The following MUSK variants were observed in gnomAD, a reference collection of about 807,000 sequenced individuals.
MUSK encodes muscle associated receptor tyrosine kinase.
MUSK carries 55 observed loss-of-function variants against 88.7 expected under a neutral mutation model. The ratio of observed to expected loss-of-function variants is 0.62; its 90% CI spans 0.50 to 0.78. MUSK has a LOEUF of 0.78. MUSK is among the 30% of genes least tolerant of loss of function. MUSK has a pLI of 0.00. For synonymous variants in MUSK, 387 were observed against 391.9 expected, an observed-to-expected ratio of 0.99 and a Z score of 0.15; for missense variants, 1,015 against 1,074.3, an observed-to-expected ratio of 0.94 and a Z score of 0.77.
intron 3 of MUSK, among the ~76,000 whole-genome samples, chr9:110,689,966 A>ATATTATATTATAATTATAT (rs2076294814): frequency 1.3e-5 from 1 of 75,798 alleles, no homozygotes; most frequent in Non-Finnish European, 2.3e-5. Context: ...ATATATATTT[A>ATATTATATTATAATTATAT]TATATTATAT....
At chr9:110,782,077 G>A (rs1186080564) in intron 11 of MUSK, among the ~76,000 whole-genome samples, 2 of 152,076 alleles carry the variant, frequency 1.3e-5, no homozygotes, top group Admixed American at 1.3e-4. Context: ...TTATTCACTT[G>A]TGTCTCATGA....
chr9:110,669,178 C>A (rs533290898), intron 1 of MUSK, among the ~76,000 whole-genome samples, 195 bp downstream of exon 1: 3 of 152,248 alleles, frequency 2.0e-5, no homozygotes, highest in African/African-American at 7.2e-5. Flanking sequence ...ATATTTTACT[C>A]CGAAGTTCTG....
At chr9:110,722,265 C>T (rs948843172) in intron 5 of MUSK, among the ~76,000 whole-genome samples, 6 of 152,130 alleles carry the variant, frequency 3.9e-5, no homozygotes, top group Admixed American at 1.3e-4. Flanking sequence ...TGCATTGGCT[C>T]ATGCCTGTAA....
chr9:110,785,446 T>C, intron 12 of MUSK, 81 bp from the exon 13 acceptor site: 1 of 1,196,308 alleles, frequency 8.4e-7, no homozygotes, highest in Non-Finnish European at 1.1e-6. Flanking sequence ...TTAAATGCCA[T>C]ATTTCTTAGA....
chr9:110,713,462 G>A (rs866427507), intron 5 of MUSK, among the ~76,000 whole-genome samples: 2 of 152,140 alleles, frequency 1.3e-5, no homozygotes, highest in Middle Eastern at 3.4e-3. Context: ...GCTTCACCAT[G>A]TTGGCCAGTC....
intron 8 of MUSK, among the ~76,000 whole-genome samples, chr9:110,764,081 A>G (rs1442483827): frequency 6.6e-6 from 1 of 152,230 alleles, no homozygotes; most frequent in Non-Finnish European, 1.5e-5. Flanking sequence ...GTAAGGAGGC[A>G]AGAGAGGGAC....
At chr9:110,755,920 C>CCATATATATATACATATATATATATATA (rs2077305009) in intron 7 of MUSK, among the ~76,000 whole-genome samples, 1 of 93,898 alleles carries the variant, frequency 1.1e-5, no homozygotes, top group African/African-American at 4.6e-5. Context: ...GTGCCCAGTG[C>CCATATATATATACATATATATATATATA]CATATATATA....
At chr9:110,758,485 A>T (rs1452046426) in intron 7 of MUSK, among the ~76,000 whole-genome samples, 1 of 152,214 alleles carries the variant, frequency 6.6e-6, no homozygotes, top group Non-Finnish European at 1.5e-5. Context: ...CAAAAGCTGG[A>T]AGTATTCCCC....
chr9:110,702,479 T>C (rs2076542057), intron 5 of MUSK, among the ~76,000 whole-genome samples: 1 of 152,162 alleles, frequency 6.6e-6, no homozygotes, highest in Admixed American at 6.5e-5. Flanking sequence ...TGTCTGTCTT[T>C]AGTCGTGAGG....
intron 5 of MUSK, among the ~76,000 whole-genome samples, chr9:110,705,674 A>G (rs1297778673): frequency 1.3e-5 from 2 of 152,216 alleles, no homozygotes; most frequent in African/African-American, 4.8e-5. Context: ...AAACAAAGGG[A>G]AGTTCCTATA....
At chr9:110,797,639 C>T (rs948333436) in intron 14 of MUSK, among the ~76,000 whole-genome samples, 4 of 152,190 alleles carry the variant, frequency 2.6e-5, no homozygotes, top group South Asian at 2.1e-4. Context: ...AATGAATAAA[C>T]GATATTAAGT....
intron 5 of MUSK, chr9:110,728,851 G>A: frequency 1.6e-6 from 1 of 623,042 alleles, no homozygotes; most frequent in Non-Finnish European, 2.6e-6. Flanking sequence ...GGAATATTAA[G>A]TCACAGCACT....
intron 7 of MUSK, 116 bp from the exon 8 acceptor site, chr9:110,762,086 T>G: frequency 9.5e-7 from 1 of 1,055,784 alleles, no homozygotes; most frequent in Non-Finnish European, 1.2e-6. Context: ...TTCAGAAACT[T>G]AGAGATCAGT....
chr9:110,756,611 G>GAAA (rs2077328657), intron 7 of MUSK, among the ~76,000 whole-genome samples: 1 of 151,626 alleles, frequency 6.6e-6, no homozygotes, highest in African/African-American at 2.4e-5. Flanking sequence ...TTAGGCAGTT[G>GAAA]AAAAATGACT....
chr9:110,675,384 G>T (rs1009380551), intron 1 of MUSK, among the ~76,000 whole-genome samples: 2 of 150,724 alleles, frequency 1.3e-5, no homozygotes, highest in Non-Finnish European at 3.0e-5. Context: ...ACCACGCCCG[G>T]CTAATTTTTT....
intron 14 of MUSK, among the ~76,000 whole-genome samples, chr9:110,799,428 G>A (rs2078058765): frequency 1.3e-5 from 2 of 152,106 alleles, no homozygotes; most frequent in Non-Finnish European, 2.9e-5. Context: ...TTGGTAGCAT[G>A]AACATTGTAA....
At chr9:110,746,790 C>T (rs910951612) in intron 6 of MUSK, among the ~76,000 whole-genome samples, 1 of 152,164 alleles carries the variant, frequency 6.6e-6, no homozygotes, top group African/African-American at 2.4e-5. Context: ...AGGATGTTTT[C>T]GGTGACCTTG....
intron 1 of MUSK, among the ~76,000 whole-genome samples, chr9:110,676,360 A>ATATTATATATTATAT (rs150440779): frequency 0.017 from 2,483 of 147,514 alleles, 33 homozygotes; most frequent in Non-Finnish European, 0.026. Context: ...TATATATTAT[A>ATATTATATATTATAT]TATTATATAT....
At chr9:110,682,576 A>G in intron 1 of MUSK, 98 bp from the exon 2 acceptor site, 12 of 1,217,464 alleles carry the variant, frequency 9.9e-6, no homozygotes, top group Non-Finnish European at 1.4e-5. Flanking sequence ...GGGGAAACAG[A>G]ATTCTCATTC....
Sources: gnomAD v4.1 joint callset for allele counts (sites outside exome capture counted in the v4.1 genomes callset) on GRCh38, gnomAD v4.1.1 for gene constraint, MANE v1.5 for transcripts, NCBI Gene and HGNC (gene_info 2026-07-23, HGNC 2026-07-21) for gene names.